Variants in PRSS41 observed in about 807,000 individuals in gnomAD.
PRSS41 encodes protease, serine 41.
Under a neutral mutation model 28.8 loss-of-function variants are expected in PRSS41, and 37 were observed. That is an observed-to-expected ratio of 1.29 (90% CI 0.99 to 1.69). The LOEUF (loss-of-function observed/expected upper bound fraction) is 1.69, where lower values mean the gene tolerates loss of function less well. PRSS41 is among the 40% of genes most tolerant of loss of function. The probability of loss-of-function intolerance (pLI) is 0.00; values close to 1 mark genes in which losing one functional copy is unlikely to be tolerated. For synonymous variants in PRSS41, 195 were observed against 163.1 expected (o/e 1.20, Z -1.49); for missense variants, 431 against 400.7 (o/e 1.08, Z -0.65).
chr16:2,801,408 T>C (rs527933295), intron 4 of PRSS41, among the ~76,000 whole-genome samples: 4 of 150,762 alleles, frequency 2.7e-5, no homozygotes, highest in South Asian at 2.1e-4. Context: ...GGCAGGGTCA[T>C]GGGACAATAG....
intron 4 of PRSS41, among the ~76,000 whole-genome samples, chr16:2,800,325 G>A (rs1425932374): frequency 6.6e-6 from 1 of 152,162 alleles, no homozygotes; most frequent in African/African-American, 2.4e-5. Flanking sequence ...TGAATCACCT[G>A]AGGTCAGGAG....
At chr16:2,799,537 T>C (rs1321718440) in exon 4 of PRSS41, 2 of 1,551,712 alleles carry the variant, frequency 1.3e-6, no homozygotes, top group Non-Finnish European at 1.7e-6. Flanking sequence ...GACTGCTGGG[T>C]GACCGGCTGG....
At chr16:2,800,973 A>T (rs539978432) in intron 4 of PRSS41, among the ~76,000 whole-genome samples, 2 of 152,150 alleles carry the variant, frequency 1.3e-5, no homozygotes, top group East Asian at 3.8e-4. Context: ...AGGGGTCTAG[A>T]TTCTTTCATA....
chr16:2,799,726 G>C (rs569210760), intron 4 of PRSS41, among the ~76,000 whole-genome samples, 157 bp downstream of exon 4: 1 of 152,328 alleles, frequency 6.6e-6, no homozygotes, highest in East Asian at 1.9e-4. Flanking sequence ...TTGCTTTTCT[G>C]CTCTCACTGC....
chr16:2,802,374 C>T (rs1261736356), intron 4 of PRSS41, among the ~76,000 whole-genome samples: 23 of 150,770 alleles, frequency 1.5e-4, no homozygotes, highest in East Asian at 1.2e-3. Context: ...GGCGGCCGGG[C>T]GGAGACGCTC....
intron 4 of PRSS41, among the ~76,000 whole-genome samples, chr16:2,802,225 G>T (rs1330190078): frequency 6.7e-6 from 1 of 149,058 alleles, no homozygotes; most frequent in East Asian, 2.0e-4. Context: ...GGGCAGAGGC[G>T]CTCCTCACAT....
chr16:2,802,860 G>GGGGAGA (rs373843276), intron 4 of PRSS41, among the ~76,000 whole-genome samples: 9,675 of 150,032 alleles, frequency 0.064, 1,073 homozygotes, highest in African/African-American at 0.22. Context: ...GGGAGACCGT[G>GGGGAGA]GGGAGAGGGA....
intron 4 of PRSS41, among the ~76,000 whole-genome samples, chr16:2,801,945 A>C (rs1278044823): frequency 6.7e-6 from 1 of 148,468 alleles, no homozygotes; most frequent in African/African-American, 2.5e-5. Flanking sequence ...CACCTCCCGG[A>C]CGGGGCGGCT....
chr16:2,802,166 G>C (rs574847342), intron 4 of PRSS41, among the ~76,000 whole-genome samples: 1 of 151,428 alleles, frequency 6.6e-6, no homozygotes, highest in East Asian at 2.0e-4. Context: ...CTTCTCAGAC[G>C]GGGTGGCCGG....
exon 6 of PRSS41, chr16:2,805,242 C>A (rs566581390): frequency 3.8e-6 from 3 of 788,016 alleles, no homozygotes; most frequent in Admixed American, 2.6e-5. Context: ...GTTGGGACTG[C>A]CTGCTGGATC....
At chr16:2,799,650 C>A in intron 4 of PRSS41, 81 bp downstream of exon 4, 1 of 1,408,652 alleles carries the variant, frequency 7.1e-7, no homozygotes, top group Admixed American at 2.0e-5. Flanking sequence ...GCTACACAAG[C>A]ACAGCAGCCC....
chr16:2,803,233 AT>A (rs1311361134), intron 4 of PRSS41, among the ~76,000 whole-genome samples: 7 of 151,950 alleles, frequency 4.6e-5, no homozygotes, highest in Non-Finnish European at 7.4e-5. Context: ...CCATGCTGAT[AT>A]TTTTTATTTC....
exon 3 of PRSS41, chr16:2,798,966 C>T: frequency 1.3e-6 from 2 of 1,524,390 alleles, no homozygotes; most frequent in Non-Finnish European, 8.8e-7. Flanking sequence ...CAGAGGCCTG[C>T]GGCCACCGGG....
chr16:2,802,860 GGGGAGA>G lies in PRSS41; in HGVS notation c.542-1500_542-1495del, dbSNP rs373843276. 9.9e-3 allele frequency among the ~76,000 whole-genome samples: 1,479 copies of G among 150,074 alleles called. 20 individuals carry two copies. The highest frequency in any genetic ancestry group is 0.028 in the African/African-American group (1,135 of 40,382). On this transcript the variant is annotated intron_variant, in intron 4 of 5. Coordinates refer to ENST00000399677, the Ensembl canonical transcript of PRSS41. ...CGGCTCCGCATGAGAGGGAGACCGT[GGGGAGA>G]GGGAGAGGGAGAGGGAGAGGGAGAG...
intron 5 of PRSS41, among the ~76,000 whole-genome samples, 163 bp downstream of exon 5, chr16:2,804,709 T>C (rs570699070): frequency 6.6e-6 from 1 of 152,364 alleles, no homozygotes; most frequent in African/African-American, 2.4e-5. Flanking sequence ...TTCTCATTTT[T>C]CATAAATTCT....
exon 4 of PRSS41, chr16:2,799,564 G>C: frequency 6.4e-7 from 1 of 1,551,410 alleles, no homozygotes; most frequent in Non-Finnish European, 8.7e-7. Context: ...ATCAGCCCCA[G>C]TGGCAGTGAG....
chr16:2,804,437 TA>T lies in PRSS41; in HGVS notation c.593del (p.Asn198ThrfsTer17). The T allele has an allele frequency of 6.4e-7, 1 of 1,551,638 alleles. No individual in the cohort carries two copies. The highest frequency in any genetic ancestry group is 8.7e-7 in the Non-Finnish European group (1 of 1,146,992). ...CTCCGGGAAGCACAGGTCACCATCT[TA>T]AACAACACCAGGTGTAATTACCTGT... On this transcript the variant is annotated frameshift_variant, in exon 5 of 6. Transcript: ENST00000399677. LOFTEE classifies it high-confidence loss of function.
chr16:2,802,009 G>T (rs1239754701), intron 4 of PRSS41, among the ~76,000 whole-genome samples: 95 of 137,724 alleles, frequency 6.9e-4, no homozygotes, highest in Middle Eastern at 3.7e-3. Flanking sequence ...GCGGCTGGCC[G>T]GGCGTGGGGC....
intron 4 of PRSS41, among the ~76,000 whole-genome samples, chr16:2,803,322 C>T (rs906138858): frequency 6.6e-6 from 1 of 151,960 alleles, no homozygotes; most frequent in Non-Finnish European, 1.5e-5. Context: ...ATTTCCTTCT[C>T]CGTGTTTATT....
Sources: gnomAD v4.1 joint callset for allele counts (sites outside exome capture counted in the v4.1 genomes callset) on GRCh38, gnomAD v4.1.1 for gene constraint, MANE v1.5 for transcripts, NCBI Gene and HGNC (gene_info 2026-07-23, HGNC 2026-07-21) for gene names.